The following PTPRT variants were observed in gnomAD, a reference collection of about 807,000 sequenced individuals.
PTPRT encodes the protein protein tyrosine phosphatase receptor type T, also known as receptor-type tyrosine-protein phosphatase T.
PTPRT carries 56 observed loss-of-function variants against 176.8 expected under a neutral mutation model. The observed-to-expected ratio is 0.32, with a 90% CI of 0.26 to 0.40. PTPRT has a LOEUF of 0.40. Among genes scored for constraint, PTPRT ranks in the 10% least tolerant of loss-of-function variants. The pLI is 1.00. For missense variants in PTPRT, 1,540 were observed against 1,908.2 expected, an observed-to-expected ratio of 0.81 and a Z score of 3.60; for synonymous variants, 783 against 739.0, an observed-to-expected ratio of 1.06 and a Z score of -0.96.
intron 11 of PTPRT, among the ~76,000 whole-genome samples, chr20:42,337,299 T>C (rs2058054354): frequency 6.6e-6 from 1 of 152,160 alleles, no homozygotes; most frequent in African/African-American, 2.4e-5. Flanking sequence ...GAAAATTATA[T>C]GACAACAATG....
At chr20:42,989,484 A>G (rs1022389966) in intron 1 of PTPRT, among the ~76,000 whole-genome samples, 2 of 152,192 alleles carry the variant, frequency 1.3e-5, no homozygotes, top group Admixed American at 6.5e-5. Flanking sequence ...GGTCACAGCA[A>G]GTGAGCACTG....
At chr20:42,728,717 C>T (rs939240797) in intron 6 of PTPRT, among the ~76,000 whole-genome samples, 6 of 152,278 alleles carry the variant, frequency 3.9e-5, no homozygotes, top group East Asian at 3.9e-4. Context: ...ACAATGACCA[C>T]GGGCCCATGC....
In PTPRT at chr20:43,174,910, A is replaced by G. The variant is rs140170228; in HGVS notation, c.88+14736T>C. Among the ~76,000 whole-genome samples, 353 of 152,352 alleles carry G rather than the reference A, an allele frequency of 2.3e-3. 2 individuals are homozygous for G. Among genetic ancestry groups the G allele is most frequent in the African/African-American group, 7.6e-3 (316 of 41,580 alleles). On this transcript the variant is annotated intron_variant, in intron 1 of 30. Coordinates refer to ENST00000373187, the MANE Select transcript of PTPRT (RefSeq NM_007050.6). Reference sequence around the variant, plus strand: ...AAAGATATCCAATGATTTGGTTTTCAGAACATAAAATAAAAATCCTAAAGT... The same window carrying G: ...AAAGATATCCAATGATTTGGTTTTCGGAACATAAAATAAAAATCCTAAAGT...
chr20:42,321,514 G>T (rs2057798226), intron 11 of PTPRT, among the ~76,000 whole-genome samples: 1 of 152,080 alleles, frequency 6.6e-6, no homozygotes, highest in Non-Finnish European at 1.5e-5. Context: ...TCACTCCCTT[G>T]GAAGACACAC....
intron 15 of PTPRT, among the ~76,000 whole-genome samples, chr20:42,203,218 C>G (rs948960255): frequency 6.6e-6 from 1 of 152,154 alleles, no homozygotes; most frequent in African/African-American, 2.4e-5. Flanking sequence ...GGATCTATAT[C>G]TATTCTTTCA....
chr20:43,041,244 C>T (rs1986593603), intron 1 of PTPRT, among the ~76,000 whole-genome samples: 2 of 152,210 alleles, frequency 1.3e-5, no homozygotes, highest in South Asian at 4.1e-4. Flanking sequence ...TTTGGCAAAC[C>T]ATGGTCATAC....
intron 9 of PTPRT, among the ~76,000 whole-genome samples, chr20:42,446,092 T>C (rs932622119): frequency 4.6e-5 from 7 of 152,136 alleles, no homozygotes; most frequent in Admixed American, 3.9e-4. Context: ...ATCATCCTAC[T>C]AGAGGAAAAA....
chr20:43,135,457 A>G (rs73106034), intron 1 of PTPRT, among the ~76,000 whole-genome samples: 6,468 of 152,332 alleles, frequency 0.042, 179 homozygotes, highest in South Asian at 0.12. Flanking sequence ...AGAAACTCAG[A>G]AGAGAGATGA....
chr20:42,209,422 A>G (rs2146726064), intron 15 of PTPRT, among the ~76,000 whole-genome samples: 1 of 152,224 alleles, frequency 6.6e-6, no homozygotes, highest in East Asian at 1.9e-4. Context: ...AGAAAAAAAG[A>G]GAGAAGAATC....
intron 1 of PTPRT, among the ~76,000 whole-genome samples, chr20:43,031,873 G>A (rs746841238): frequency 1.7e-4 from 26 of 152,232 alleles, no homozygotes; most frequent in Non-Finnish European, 3.2e-4. Context: ...TTGAAATCCT[G>A]CTGCTCAGGG....
chr20:43,002,553 T>G (rs902121148), intron 1 of PTPRT, among the ~76,000 whole-genome samples: 6 of 152,120 alleles, frequency 3.9e-5, no homozygotes, highest in Non-Finnish European at 7.4e-5. Context: ...CAGTCTCCAT[T>G]TACACTACAA....
At chr20:42,632,399 A>C (rs2145893666) in intron 7 of PTPRT, among the ~76,000 whole-genome samples, 1 of 151,826 alleles carries the variant, frequency 6.6e-6, no homozygotes, top group African/African-American at 2.4e-5. Flanking sequence ...TAATTTTTGC[A>C]TTTTTAGTAG....
chr20:42,281,015 C>T (rs551280171), intron 13 of PTPRT, among the ~76,000 whole-genome samples: 22 of 152,234 alleles, frequency 1.4e-4, no homozygotes, highest in Non-Finnish European at 3.1e-4. Flanking sequence ...CACCGAGGAG[C>T]CATAGAGCAT....
intron 7 of PTPRT, among the ~76,000 whole-genome samples, chr20:42,510,682 T>C (rs1413648191): frequency 6.6e-6 from 1 of 152,030 alleles, no homozygotes; most frequent in African/African-American, 2.4e-5. Flanking sequence ...AGAATATACA[T>C]ACAAATTACA....
In PTPRT at chr20:42,759,514, GCA is replaced by G. The variant is rs931912859; in HGVS notation, c.685-2880_685-2879del. ...CCCAGAAATCAGGTAGCATAAAAAT[GCA>G]CAGAGATACAAATGTTAGGATGTCA... On this transcript the variant is annotated intron_variant, in intron 5 of 30. Coordinates refer to ENST00000373187, the MANE Select transcript of PTPRT (RefSeq NM_007050.6). 1.4e-4 allele frequency among the ~76,000 whole-genome samples: 22 copies of G among 152,270 alleles called. 1 individual carries two copies. Among genetic ancestry groups the G allele is most frequent in the South Asian group, 8.3e-4 (4 of 4,824 alleles).
intron 8 of PTPRT, among the ~76,000 whole-genome samples, chr20:42,451,473 G>A (rs188941800): frequency 7.2e-5 from 11 of 152,142 alleles, no homozygotes; most frequent in East Asian, 5.8e-4. Flanking sequence ...AATGGAAACC[G>A]TAGGCAGGGA....
At chr20:42,671,667 C>A (rs544668522) in intron 7 of PTPRT, among the ~76,000 whole-genome samples, 1 of 152,246 alleles carries the variant, frequency 6.6e-6, no homozygotes, top group African/African-American at 2.4e-5. Flanking sequence ...ATAGCAGCAA[C>A]CAATAACACT....
chr20:42,326,211 C>G (rs1230543257), intron 11 of PTPRT, among the ~76,000 whole-genome samples: 2 of 152,078 alleles, frequency 1.3e-5, no homozygotes, highest in Non-Finnish European at 2.9e-5. Context: ...GGTAGATAAC[C>G]TTGATATGGG....
intron 2 of PTPRT, among the ~76,000 whole-genome samples, chr20:42,856,948 T>C (rs1282169066): frequency 2.0e-5 from 3 of 152,154 alleles, no homozygotes; most frequent in Non-Finnish European, 2.9e-5. Context: ...GGCACTGGAC[T>C]AGCCAGAAAA....
Sources: allele counts gnomAD v4.1 joint callset (sites outside exome capture counted in the v4.1 genomes callset), GRCh38; gene constraint gnomAD v4.1.1; transcripts MANE v1.5; gene names NCBI Gene and HGNC (gene_info 2026-07-23, HGNC 2026-07-21).